CLIP1: variants seen among roughly 807,000 people sequenced by gnomAD.
CLIP1 encodes CAP-Gly domain-containing linker protein 1.
Under a neutral mutation model 161.6 loss-of-function variants are expected in CLIP1, and 66 were observed. That is an observed-to-expected ratio of 0.41 (90% CI 0.33 to 0.50). CLIP1 has a LOEUF of 0.50. CLIP1 is among the 20% of genes least tolerant of loss of function. The probability of loss-of-function intolerance (pLI) is 0.27; values close to 1 mark genes in which losing one functional copy is unlikely to be tolerated. For missense variants in CLIP1, 1,376 were observed against 1,702.0 expected (o/e 0.81, Z 3.37); for synonymous variants, 598 against 626.2 (o/e 0.96, Z 0.67).
chr12:122,359,139 T>C (rs1953652813), intron 5 of CLIP1, among the ~76,000 whole-genome samples: 1 of 152,178 alleles, frequency 6.6e-6, no homozygotes, highest in South Asian at 2.1e-4. Flanking sequence ...AAAACAGAAA[T>C]ACATTTCTGA....
intron 19 of CLIP1, among the ~76,000 whole-genome samples, chr12:122,310,439 T>G (rs1951022364): frequency 6.6e-6 from 1 of 152,228 alleles, no homozygotes; most frequent in East Asian, 1.9e-4. Context: ...CAAGGAAATA[T>G]AGTTTCCTAA....
chr12:122,295,920 A>C (rs757911026), intron 20 of CLIP1, among the ~76,000 whole-genome samples: 2 of 152,128 alleles, frequency 1.3e-5, no homozygotes, highest in Non-Finnish European at 1.5e-5. Flanking sequence ...TAGTTTCTCC[A>C]GCTTGCTTTT....
In CLIP1 at chr12:122,337,811, C is replaced by T. The variant is rs542773227; in HGVS notation, c.2452-1063G>A. 2.2e-3 allele frequency among the ~76,000 whole-genome samples: 336 copies of T among 151,378 alleles called. 1 individual carries two copies. Among genetic ancestry groups the T allele is most frequent in the Middle Eastern group, 3.5e-3 (1 of 288 alleles). The stretch of plus-strand genomic sequence containing the variant: ...TGGGCGGATCACGAAGTCAGGAGAT[C>T]GAGGCCATCCTGGCCAACATGGTGA... On this transcript the variant is annotated intron_variant, in intron 11 of 25. Coordinates refer to ENST00000620786, the MANE Select transcript of CLIP1 (RefSeq NM_001247997.2).
intron 24 of CLIP1, chr12:122,275,644 G>GTGCA (rs1555253369): frequency 6.8e-6 from 1 of 147,538 alleles, no homozygotes; most frequent in African/African-American, 2.5e-5. Flanking sequence ...ACACACACGC[G>GTGCA]CACACACACA....
rs1020103494 is a variant in CLIP1 at position 122,357,167 on chromosome 12, G to A, written c.1006-1855C>T. On this transcript the variant is annotated intron_variant, in intron 5 of 25. Transcript: ENST00000620786. ...CTAGAAGTGAGGAGCGCCTCTTCCCGGCCGCCGTCCCATCTAGGAAGTGAG... is the reference window on the plus strand; with the variant it reads ...CTAGAAGTGAGGAGCGCCTCTTCCCAGCCGCCGTCCCATCTAGGAAGTGAG... Among the ~76,000 whole-genome samples the A allele has an allele frequency of 1.3e-4, 19 of 150,274 alleles. No homozygotes were observed. In the South Asian group the frequency reaches 1.5e-3, roughly 12 times the overall value.
chr12:122,338,534 T>A (rs892705927), intron 11 of CLIP1, among the ~76,000 whole-genome samples: 1 of 152,034 alleles, frequency 6.6e-6, no homozygotes, highest in East Asian at 1.9e-4. Context: ...CTGGCCAACA[T>A]GGTGAAACCC....
chr12:122,297,150 G>T (rs1005635503), intron 20 of CLIP1, among the ~76,000 whole-genome samples: 1 of 152,170 alleles, frequency 6.6e-6, no homozygotes, highest in Non-Finnish European at 1.5e-5. Context: ...GGGAACACTG[G>T]ACTGGAAAAT....
chr12:122,317,354 G>A (rs1951311015), intron 18 of CLIP1, among the ~76,000 whole-genome samples: 1 of 152,170 alleles, frequency 6.6e-6, no homozygotes, highest in Non-Finnish European at 1.5e-5. Context: ...AAAATTATTT[G>A]TAGACTGGAA....
chr12:122,397,553 CAAAAAAAAAAAAA>C (rs35589479), intron 1 of CLIP1, among the ~76,000 whole-genome samples: 4 of 66,858 alleles, frequency 6.0e-5, no homozygotes, highest in Admixed American at 4.7e-4. Context: ...ACTCCATCTC[CAAAAAAAAAAAAA>C]AAAAAAAAAA....
At chr12:122,351,650 C>T (rs986937792) in intron 8 of CLIP1, among the ~76,000 whole-genome samples, 2 of 152,098 alleles carry the variant, frequency 1.3e-5, no homozygotes, top group Non-Finnish European at 2.9e-5. Flanking sequence ...AGCAAAACTG[C>T]ATATTTGGGA....
At position 122,273,090 on chromosome 12, in the gene CLIP1, C is replaced by T; in HGVS notation, c.4102G>A (p.Glu1368Lys). 1 of 1,613,776 alleles carries T rather than the reference C, an allele frequency of 6.2e-7. No homozygotes were observed. Among genetic ancestry groups the T allele is most frequent in the Non-Finnish European group, 8.5e-7 (1 of 1,179,744 alleles). Residue 1368 changes from glutamate (E) to lysine (K), a missense_variant, in exon 26 of 26, where the codon GAG becomes AAG. By Grantham distance (56) the Glu-to-Lys change is moderately conservative. Around this residue, in one of 6 missense-constraint regions of CLIP1, gnomAD observed 948 missense variants for 1,134.8 expected, o/e 0.84. Transcript: ENST00000620786. The part of the protein sequence containing the change: ...DLNNYDSDDQ[E>K]KQSKKKPRLF... ...CGAGGTTTCTTCTTGGACTGTTTCT[C>T]CTGATCATCACTACAAATGTTAATG...
At chr12:122,374,718 C>A (rs11057786) in intron 3 of CLIP1, among the ~76,000 whole-genome samples, 2 of 151,802 alleles carry the variant, frequency 1.3e-5, no homozygotes, top group Non-Finnish European at 2.9e-5. Context: ...GCCAAGATCG[C>A]GCCACTGCAC....
chr12:122,368,837 G>A (rs545642748), intron 3 of CLIP1, among the ~76,000 whole-genome samples: 22 of 151,408 alleles, frequency 1.5e-4, no homozygotes, highest in East Asian at 3.9e-4. Context: ...AGGTTGAGGC[G>A]GGAAAATCAC....
chr12:122,367,740 C>T (rs1392573196), intron 3 of CLIP1, among the ~76,000 whole-genome samples: 1 of 152,014 alleles, frequency 6.6e-6, no homozygotes, highest in African/African-American at 2.4e-5. Context: ...AAAACAAGGC[C>T]AGGTGCAGTG....
chr12:122,415,324 A>C (rs1956705874), intron 1 of CLIP1, among the ~76,000 whole-genome samples: 1 of 151,232 alleles, frequency 6.6e-6, no homozygotes, highest in South Asian at 2.1e-4. Context: ...TACTAAAAAT[A>C]CAAAAAAATT....
At chr12:122,290,878 T>A (rs1304556127) in intron 20 of CLIP1, among the ~76,000 whole-genome samples, 1 of 151,120 alleles carries the variant, frequency 6.6e-6, no homozygotes, top group Non-Finnish European at 1.5e-5. Context: ...TTTTTTTTTA[T>A]TTTTTTTAGT....
intron 1 of CLIP1, among the ~76,000 whole-genome samples, chr12:122,390,172 G>GATATATATATATATATATATATATATATA (rs71082979): frequency 4.3e-5 from 4 of 93,530 alleles, no homozygotes; most frequent in Non-Finnish European, 2.2e-5. Flanking sequence ...CACAGTCTCA[G>GATATATATATATATATATATATATATATA]ATATATATAT....
intron 15 of CLIP1, 133 bp downstream of exon 15, chr12:122,332,854 G>T: frequency 1.5e-6 from 1 of 661,202 alleles, no homozygotes; most frequent in Non-Finnish European, 2.5e-6. Context: ...GACACAATGA[G>T]GTAATAACAG....
intron 10 of CLIP1, among the ~76,000 whole-genome samples, chr12:122,346,657 C>T (rs1952763740): frequency 6.6e-6 from 1 of 152,088 alleles, no homozygotes. Flanking sequence ...CATGCGCCAC[C>T]AGGCCCAGCC....
Sources: allele counts gnomAD v4.1 joint callset (sites outside exome capture counted in the v4.1 genomes callset), GRCh38; gene constraint gnomAD v4.1.1; regional missense constraint gnomAD v4.1.1; transcripts MANE v1.5; gene names NCBI Gene and HGNC (gene_info 2026-07-23, HGNC 2026-07-21).